The following CTNND2 variants were observed in gnomAD, a reference collection of about 807,000 sequenced individuals.
CTNND2 encodes catenin delta 2.
Under a neutral mutation model 144.4 loss-of-function variants are expected in CTNND2, and 22 were observed. The ratio of observed to expected loss-of-function variants is 0.15; its 90% CI spans 0.11 to 0.22. The LOEUF (loss-of-function observed/expected upper bound fraction) is 0.22. Ranked by LOEUF, CTNND2 falls within the 10% of genes least tolerant of loss-of-function variation. The pLI is 1.00. For synonymous variants in CTNND2, 751 were observed against 695.6 expected (o/e 1.08, Z -1.25); for missense variants, 1,353 against 1,618.8 (o/e 0.84, Z 2.82).
chr5:11,405,642 G>A (rs541703335), intron 5 of CTNND2, among the ~76,000 whole-genome samples: 64 of 152,084 alleles, frequency 4.2e-4, no homozygotes, highest in African/African-American at 1.5e-3. Context: ...TTTCTGGAAT[G>A]GAGGATAATT....
At chr5:11,547,441 A>C (rs1371367160) in intron 3 of CTNND2, among the ~76,000 whole-genome samples, 1 of 152,158 alleles carries the variant, frequency 6.6e-6, no homozygotes, top group Non-Finnish European at 1.5e-5. Flanking sequence ...CCTAACATTA[A>C]AACCAAGCAT....
intron 9 of CTNND2, among the ~76,000 whole-genome samples, chr5:11,345,770 A>AAAAG (rs1324085405): frequency 6.6e-6 from 1 of 151,990 alleles, no homozygotes; most frequent in Non-Finnish European, 1.5e-5. Context: ...ACTGATGGAA[A>AAAAG]AAAGAAAGAA....
chr5:11,108,287 C>G (rs6866865), intron 14 of CTNND2, among the ~76,000 whole-genome samples: 1 of 151,924 alleles, frequency 6.6e-6, no homozygotes, highest in Non-Finnish European at 1.5e-5. Flanking sequence ...GGGCAAGAAG[C>G]CTTGAAAGTT....
intron 2 of CTNND2, among the ~76,000 whole-genome samples, chr5:11,598,373 G>A (rs1336984508): frequency 6.6e-6 from 1 of 152,126 alleles, no homozygotes; most frequent in African/African-American, 2.4e-5. Flanking sequence ...CTCAGAATCA[G>A]GTAAGTTTCT....
intron 1 of CTNND2, among the ~76,000 whole-genome samples, chr5:11,814,272 A>G (rs1266792188): frequency 6.6e-6 from 1 of 152,242 alleles, no homozygotes; most frequent in Non-Finnish European, 1.5e-5. Flanking sequence ...GTATCTACAG[A>G]GAGCAATCAT....
chr5:11,503,781 T>C (rs1434108302), intron 3 of CTNND2, among the ~76,000 whole-genome samples: 1 of 152,214 alleles, frequency 6.6e-6, no homozygotes, highest in Admixed American at 6.5e-5. Flanking sequence ...TACATTACGA[T>C]GTCTTGTACA....
At chr5:11,678,053 C>T (rs368126181) in intron 2 of CTNND2, among the ~76,000 whole-genome samples, 3 of 152,246 alleles carry the variant, frequency 2.0e-5, no homozygotes. Flanking sequence ...ATTCACTCTA[C>T]CACAGACCGT....
chr5:11,521,711 T>C (rs1772732363), intron 3 of CTNND2, among the ~76,000 whole-genome samples: 1 of 152,208 alleles, frequency 6.6e-6, no homozygotes, highest in South Asian at 2.1e-4. Flanking sequence ...TTGGTAGCTT[T>C]ACTGAGGCAA....
chr5:11,519,196 T>C (rs920561075), intron 3 of CTNND2, among the ~76,000 whole-genome samples: 9 of 152,222 alleles, frequency 5.9e-5, no homozygotes, highest in Non-Finnish European at 1.0e-4. Flanking sequence ...TTTTGTAGAC[T>C]ATACACTTGA....
intron 9 of CTNND2, among the ~76,000 whole-genome samples, chr5:11,288,364 C>A (rs766202223): frequency 1.8e-4 from 27 of 151,342 alleles, no homozygotes; most frequent in Admixed American, 7.9e-4. Context: ...TTGGGAAAAA[C>A]AACTGCTAAC....
At chr5:11,535,801 C>T (rs973936718) in intron 3 of CTNND2, among the ~76,000 whole-genome samples, 3 of 152,186 alleles carry the variant, frequency 2.0e-5, no homozygotes, top group Admixed American at 6.5e-5. Context: ...TCTGAACCTA[C>T]ATTACTAAGT....
At chr5:11,538,403 CTT>C (rs1774421339) in intron 3 of CTNND2, among the ~76,000 whole-genome samples, 1 of 152,188 alleles carries the variant, frequency 6.6e-6, no homozygotes, top group African/African-American at 2.4e-5. Context: ...TCATTCAACT[CTT>C]TTGTTAAACT....
At chr5:11,424,466 C>T (rs1337357999) in intron 3 of CTNND2, among the ~76,000 whole-genome samples, 1 of 142,324 alleles carries the variant, frequency 7.0e-6, no homozygotes, top group Non-Finnish European at 1.5e-5. Context: ...CGCATACACA[C>T]ACACATACAC....
intron 3 of CTNND2, among the ~76,000 whole-genome samples, chr5:11,501,043 C>T (rs1204258641): frequency 6.6e-6 from 1 of 152,154 alleles, no homozygotes; most frequent in Non-Finnish European, 1.5e-5. Context: ...ACTTTTTGTG[C>T]ATCTCAAGCA....
At chr5:11,387,486 C>T (rs930495815) in intron 6 of CTNND2, among the ~76,000 whole-genome samples, 1 of 152,138 alleles carries the variant, frequency 6.6e-6, no homozygotes, top group East Asian at 1.9e-4. Context: ...GCTCTGAGAA[C>T]TACCACTAAG....
Position 11,018,145 on chromosome 5 carries a change from C to T in CTNND2, c.3000-87G>A, listed in dbSNP as rs139981264. 1.3e-3 allele frequency: 1,118 copies of T among 855,318 alleles called. 4 individuals are homozygous for T. The highest frequency in any genetic ancestry group is 1.5e-3 in the Middle Eastern group (6 of 4,078). 53.0% of individuals were successfully genotyped at this position (855,318 alleles called of 1,614,324 possible). ...ATTCTTGTAGTATTTCAAACCTCTT[C>T]ATTATTATTATATCTATTATGGTGA... On this transcript the variant is annotated intron_variant, in intron 17 of 21. Transcript: ENST00000304623.
Position 11,180,932 on chromosome 5 carries a change from GAT to G in CTNND2, c.1975+18514_1975+18515del, listed in dbSNP as rs558243867. Among the ~76,000 whole-genome samples the G allele has an allele frequency of 1.1e-4, 16 of 152,328 alleles. No individual in the cohort carries two copies. The South Asian group carries it at 2.9e-3, about 28-fold the overall frequency. On this transcript the variant is annotated intron_variant, in intron 11 of 21. Coordinates refer to ENST00000304623, the MANE Select transcript of CTNND2 (RefSeq NM_001332.4). ...GGCTGAGCACTCCCGGTTGCCTGAG[GAT>G]GTGGAGCTGACAGAGTCTACTAGTA...
intron 11 of CTNND2, among the ~76,000 whole-genome samples, chr5:11,183,141 A>T (rs1735266745): frequency 2.6e-5 from 4 of 152,236 alleles, no homozygotes; most frequent in African/African-American, 9.6e-5. Context: ...CATGACAAAA[A>T]AATTTCACAT....
intron 10 of CTNND2, among the ~76,000 whole-genome samples, chr5:11,207,867 G>T (rs1176226472): frequency 2.0e-5 from 3 of 152,140 alleles, no homozygotes; most frequent in Non-Finnish European, 4.4e-5. Context: ...CTTGTTGTGG[G>T]TGTGATGGTC....
Sources: allele counts gnomAD v4.1 joint callset (sites outside exome capture counted in the v4.1 genomes callset), GRCh38; gene constraint gnomAD v4.1.1; transcripts MANE v1.5; gene names NCBI Gene and HGNC (gene_info 2026-07-23, HGNC 2026-07-21).